RAP1A: variants seen among roughly 807,000 people sequenced by gnomAD.
RAP1A encodes RAP1A, member of RAS oncogene family.
Under a neutral mutation model 26.4 loss-of-function variants are expected in RAP1A, and 6 were observed. That is an observed-to-expected ratio of 0.23 (90% CI 0.12 to 0.45). The LOEUF (loss-of-function observed/expected upper bound fraction) is 0.45, where lower values mean the gene tolerates loss of function less well. Ranked by LOEUF, RAP1A falls within the 20% of genes least tolerant of loss-of-function variation. The pLI, the probability that RAP1A is intolerant of heterozygous loss-of-function variation, is 0.99. For missense variants in RAP1A, 121 were observed against 217.2 expected, an observed-to-expected ratio of 0.56 and a Z score of 2.78; for synonymous variants, 73 against 79.4, an observed-to-expected ratio of 0.92 and a Z score of 0.43.
chr1:111,648,553 G>T, intron 1 of RAP1A: 1 of 559,074 alleles, frequency 1.8e-6, no homozygotes. Flanking sequence ...GACTGCAGTT[G>T]CAGCAGGATC....
chr1:111,661,398 T>G (rs1050185421), intron 1 of RAP1A, among the ~76,000 whole-genome samples: 14 of 152,204 alleles, frequency 9.2e-5, no homozygotes, highest in African/African-American at 2.4e-4. Flanking sequence ...TGGTAGCTTA[T>G]TTAGTCTGTT....
intron 1 of RAP1A, among the ~76,000 whole-genome samples, chr1:111,567,857 TGGTCATCCA>T (rs1657958470): frequency 6.6e-6 from 1 of 152,234 alleles, no homozygotes; most frequent in South Asian, 2.1e-4. Flanking sequence ...ACCTTGATCT[TGGTCATCCA>T]GCCTCCAGAA....
At chr1:111,670,413 A>T (rs1660937648) in intron 1 of RAP1A, among the ~76,000 whole-genome samples, 1 of 152,044 alleles carries the variant, frequency 6.6e-6, no homozygotes, top group Non-Finnish European at 1.5e-5. Context: ...GGCGGAGGTT[A>T]CAGTGAGCCA....
At chr1:111,547,446 T>C (rs1212349138) in intron 1 of RAP1A, among the ~76,000 whole-genome samples, 1 of 152,122 alleles carries the variant, frequency 6.6e-6, no homozygotes, top group South Asian at 2.1e-4. Context: ...TTGGTAGTGA[T>C]GTACAAGGAG....
At chr1:111,555,435 A>T (rs2101040787) in intron 1 of RAP1A, among the ~76,000 whole-genome samples, 1 of 151,686 alleles carries the variant, frequency 6.6e-6, no homozygotes, top group South Asian at 2.1e-4. Flanking sequence ...TCCAGAAAAA[A>T]AATTTTTAAT....
upstream of RAP1A, among the ~76,000 whole-genome samples, chr1:111,617,064 A>ATG (rs890015513): frequency 6.6e-6 from 1 of 152,054 alleles, no homozygotes; most frequent in Non-Finnish European, 1.5e-5. Flanking sequence ...GTGTTTGCGC[A>ATG]TGTGTGTGTG....
At chr1:111,641,648 T>TGC (rs1419680438) in intron 1 of RAP1A, among the ~76,000 whole-genome samples, 12 of 152,116 alleles carry the variant, frequency 7.9e-5, no homozygotes, top group Admixed American at 1.3e-4. Flanking sequence ...TGTGTGTGTG[T>TGC]GCGCGCGCAT....
chr1:111,623,188 T>A (rs1211304623), intron 1 of RAP1A, among the ~76,000 whole-genome samples: 1 of 151,346 alleles, frequency 6.6e-6, no homozygotes, highest in Non-Finnish European at 1.5e-5. Context: ...CAGATAATTT[T>A]TTTTTTTTTT....
chr1:111,609,575 G>T (rs367977222), intron 1 of RAP1A, among the ~76,000 whole-genome samples: 1 of 152,118 alleles, frequency 6.6e-6, no homozygotes, highest in East Asian at 1.9e-4. Flanking sequence ...TGTCATTGTG[G>T]CCCCTGAACA....
chr1:111,655,491 G>A (rs1360854665), intron 1 of RAP1A, among the ~76,000 whole-genome samples: 1 of 151,704 alleles, frequency 6.6e-6, no homozygotes, highest in Non-Finnish European at 1.5e-5. Context: ...CTCACTAATC[G>A]GAGAAACTTA....
intron 1 of RAP1A, among the ~76,000 whole-genome samples, chr1:111,652,136 G>A (rs1660293613): frequency 6.6e-6 from 1 of 152,022 alleles, no homozygotes; most frequent in Non-Finnish European, 1.5e-5. Context: ...ACCATGCCCA[G>A]CTAATGTTTG....
At chr1:111,563,931 G>A (rs768379061) in intron 1 of RAP1A, 2 of 1,613,714 alleles carry the variant, frequency 1.2e-6, no homozygotes, top group Admixed American at 3.3e-5. Context: ...TGCTCAATGG[G>A]TCCTGCTGGA....
At chr1:111,565,145 T>G (rs954459771) in intron 1 of RAP1A, among the ~76,000 whole-genome samples, 16 of 152,112 alleles carry the variant, frequency 1.1e-4, no homozygotes, top group African/African-American at 3.9e-4. Flanking sequence ...GGCCCTAAGC[T>G]TCACTCATAC....
intron 1 of RAP1A, among the ~76,000 whole-genome samples, chr1:111,569,520 G>A (rs953162345): frequency 6.6e-6 from 1 of 151,996 alleles, no homozygotes; most frequent in Admixed American, 6.5e-5. Context: ...TGCTGTACTG[G>A]GTGCAAGGTC....
At chr1:111,605,739 TG>T (rs1342014063) in intron 1 of RAP1A, among the ~76,000 whole-genome samples, 1 of 152,186 alleles carries the variant, frequency 6.6e-6, no homozygotes, top group Non-Finnish European at 1.5e-5. Context: ...GGCTGTGCCT[TG>T]CTGAAGTCAT....
intron 1 of RAP1A, among the ~76,000 whole-genome samples, chr1:111,628,753 T>G (rs928661607): frequency 2.6e-5 from 4 of 152,124 alleles, no homozygotes; most frequent in Non-Finnish European, 5.9e-5. Flanking sequence ...ACAACCAATT[T>G]GGAGATCAAA....
intron 1 of RAP1A, among the ~76,000 whole-genome samples, chr1:111,628,329 T>G (rs1187581904): frequency 6.6e-6 from 1 of 152,194 alleles, no homozygotes; most frequent in African/African-American, 2.4e-5. Context: ...ATGGTGGACA[T>G]TCTTTGTGGT....
intron 1 of RAP1A, among the ~76,000 whole-genome samples, chr1:111,667,292 C>A (rs1398662191): frequency 6.6e-6 from 1 of 152,132 alleles, no homozygotes; most frequent in Admixed American, 6.5e-5. Context: ...AAGTAGTATT[C>A]TGTGATTAAA....
chr1:111,696,190 T>C (rs1661823205), intron 3 of RAP1A, among the ~76,000 whole-genome samples: 1 of 152,232 alleles, frequency 6.6e-6, no homozygotes, highest in South Asian at 2.1e-4. Context: ...CAGTATTTTC[T>C]ATGTCAAATA....
Sources: gnomAD v4.1 joint callset for allele counts (sites outside exome capture counted in the v4.1 genomes callset) on GRCh38, gnomAD v4.1.1 for gene constraint, MANE v1.5 for transcripts, NCBI Gene and HGNC (gene_info 2026-07-23, HGNC 2026-07-21) for gene names.